Variants in PHLPP1 observed in about 807,000 individuals in gnomAD.
PHLPP1 encodes the protein PH domain and leucine rich repeat protein phosphatase 1, also known as PH domain leucine-rich repeat-containing protein phosphatase 1.
Under a neutral mutation model 117.2 loss-of-function variants are expected in PHLPP1, and 42 were observed. The ratio of observed to expected loss-of-function variants is 0.36; its 90% CI spans 0.28 to 0.46. PHLPP1 has a LOEUF of 0.46. PHLPP1 is among the 20% of genes least tolerant of loss of function. The pLI is 1.00. For missense variants in PHLPP1, 2,084 were observed against 2,241.9 expected (o/e 0.93, Z 1.42); for synonymous variants, 1,042 against 970.7 (o/e 1.07, Z -1.37).
chr18:62,803,559 A>G (rs371865383), intron 1 of PHLPP1, among the ~76,000 whole-genome samples: 4 of 152,354 alleles, frequency 2.6e-5, no homozygotes, highest in African/African-American at 9.6e-5. Context: ...TTTACATTGT[A>G]TAATTATACC....
intron 4 of PHLPP1, among the ~76,000 whole-genome samples, chr18:62,872,139 T>C (rs1915920403): frequency 6.6e-6 from 1 of 152,134 alleles, no homozygotes; most frequent in Non-Finnish European, 1.5e-5. Flanking sequence ...TACATGTGCA[T>C]AGGAACCCCC....
chr18:62,843,983 A>T (rs1243449075), intron 3 of PHLPP1, among the ~76,000 whole-genome samples: 1 of 152,204 alleles, frequency 6.6e-6, no homozygotes, highest in Non-Finnish European at 1.5e-5. Context: ...TTTCATGTGA[A>T]TCTGTAGCAT....
chr18:62,718,915 G>A (rs1047066696), intron 1 of PHLPP1, among the ~76,000 whole-genome samples: 2 of 152,180 alleles, frequency 1.3e-5, no homozygotes, highest in African/African-American at 4.8e-5. Flanking sequence ...GTTTGAATCT[G>A]TGTTTCCCTT....
At chr18:62,747,184 A>C (rs1911700898) in intron 1 of PHLPP1, among the ~76,000 whole-genome samples, 2 of 151,302 alleles carry the variant, frequency 1.3e-5, no homozygotes, top group Non-Finnish European at 2.9e-5. Flanking sequence ...TCTTATTTTT[A>C]ATTCCATCAA....
intron 1 of PHLPP1, among the ~76,000 whole-genome samples, chr18:62,728,484 C>T (rs1336173503): frequency 6.6e-6 from 1 of 151,318 alleles, no homozygotes; most frequent in Non-Finnish European, 1.5e-5. Flanking sequence ...CATTGTGAAG[C>T]ACATATGGCT....
chr18:62,721,243 C>T (rs1910906823), intron 1 of PHLPP1, among the ~76,000 whole-genome samples: 1 of 152,190 alleles, frequency 6.6e-6, no homozygotes, highest in African/African-American at 2.4e-5. Flanking sequence ...GGAAAGAGTA[C>T]TGAAGTGTTC....
At chr18:62,925,256 T>C (rs1312106388) in intron 10 of PHLPP1, among the ~76,000 whole-genome samples, 1 of 152,150 alleles carries the variant, frequency 6.6e-6, no homozygotes, top group African/African-American at 2.4e-5. Context: ...GCATGCACAT[T>C]TGATGGCCAG....
chr18:62,978,495 C>G lies in PHLPP1; in HGVS notation c.4218C>G (p.Ala1406=). 1.2e-6 allele frequency: 2 copies of G among 1,608,944 alleles called. No individual in the cohort carries two copies. The highest frequency in any genetic ancestry group is 2.2e-5 in the South Asian group (2 of 90,262). The change falls in exon 17 of 17, where the codon GCC becomes GCG. Residue 1406 remains alanine, a synonymous_variant. Transcript: ENST00000262719. This position sits in a 1 kb window ranked among gnomAD's most constrained non-coding sequence, Gnocchi z 7.0. The part of the protein sequence containing the change: ...LAAAKKLCTL[A]QSYGCHDSIS... ...CTGCCAAGAAGCTGTGTACCCTGGC[C>G]CAGAGCTACGGCTGCCACGACAGCA...
intron 4 of PHLPP1, among the ~76,000 whole-genome samples, chr18:62,874,109 G>A (rs1338711209): frequency 2.0e-5 from 3 of 151,100 alleles, no homozygotes; most frequent in African/African-American, 4.9e-5. Flanking sequence ...GCTTCAACCC[G>A]AGAGGTGGAG....
intron 11 of PHLPP1, among the ~76,000 whole-genome samples, chr18:62,944,758 T>C (rs989500952): frequency 8.5e-5 from 13 of 152,346 alleles, no homozygotes; most frequent in East Asian, 1.9e-4. Flanking sequence ...TTTTATTGTA[T>C]TAGTGCTGGC....
intron 4 of PHLPP1, among the ~76,000 whole-genome samples, chr18:62,874,700 C>T (rs879726469): frequency 5.3e-5 from 8 of 151,990 alleles, no homozygotes; most frequent in Non-Finnish European, 7.4e-5. Flanking sequence ...CACTCTCGCT[C>T]TCTGTCTCTC....
At chr18:62,946,719 T>C (rs907033455) in intron 12 of PHLPP1, among the ~76,000 whole-genome samples, 5 of 152,354 alleles carry the variant, frequency 3.3e-5, no homozygotes, top group African/African-American at 9.6e-5. Context: ...AAGAACACTG[T>C]CTCATACATC....
intron 1 of PHLPP1, among the ~76,000 whole-genome samples, chr18:62,771,193 G>A (rs1349565470): frequency 6.9e-6 from 1 of 144,192 alleles, no homozygotes. Flanking sequence ...CAGCCTGGGC[G>A]ACAGAGTGAG....
At chr18:62,887,823 A>C (rs1014920237) in intron 4 of PHLPP1, among the ~76,000 whole-genome samples, 20 of 152,040 alleles carry the variant, frequency 1.3e-4, no homozygotes, top group Non-Finnish European at 1.0e-4. Context: ...CTGCAGCCTA[A>C]ACCTTCTGGG....
rs1344709404 is a variant in PHLPP1, at chr18:62,972,527, G to C, written c.3574G>C (p.Ala1192Pro). The C allele has an allele frequency of 6.2e-7, 1 of 1,612,510 alleles. No homozygotes were observed. The highest frequency in any genetic ancestry group is 1.1e-5 in the South Asian group (1 of 90,996). ...SGVKNKLCVAALSVNNFCDNR... is the reference protein window; with the variant it reads ...SGVKNKLCVAPLSVNNFCDNR... The stretch of plus-strand genomic sequence containing the variant: ...GTTGCCTTGCAGGTTGTGTGTCGCA[G>C]CCCTGTCGGTGAATAACTTCTGTGA... The change falls in exon 15 of 17, where the codon GCC becomes CCC. Residue 1192 changes from alanine to proline, a missense_variant. By Grantham distance (27) the Ala-to-Pro change is conservative (BLOSUM62 -1). Coordinates refer to ENST00000262719, the MANE Select transcript of PHLPP1 (RefSeq NM_194449.4).
chr18:62,900,400 A>T (rs183439111), intron 6 of PHLPP1, among the ~76,000 whole-genome samples: 83 of 133,098 alleles, frequency 6.2e-4, no homozygotes, highest in African/African-American at 2.1e-3. Context: ...AATATGTTGT[A>T]GTTGTTTGTA....
chr18:62,866,249 GTT>G (rs570308646), intron 4 of PHLPP1, among the ~76,000 whole-genome samples: 6 of 141,056 alleles, frequency 4.3e-5, no homozygotes, highest in Admixed American at 1.4e-4. Flanking sequence ...TGTGTTTTTT[GTT>G]TTTTTTTTTT....
chr18:62,771,357 CAT>C (rs899445854), intron 1 of PHLPP1, among the ~76,000 whole-genome samples: 3 of 152,120 alleles, frequency 2.0e-5, no homozygotes, highest in East Asian at 1.9e-4. Flanking sequence ...CTTATTCACA[CAT>C]GAGTTCTTAA....
chr18:62,803,651 G>A (rs1913850668), intron 1 of PHLPP1, among the ~76,000 whole-genome samples: 1 of 152,114 alleles, frequency 6.6e-6, no homozygotes, highest in Non-Finnish European at 1.5e-5. Context: ...ATGCCGCCAT[G>A]AACATTCTTG....
Sources: gnomAD v4.1 joint callset for allele counts (sites outside exome capture counted in the v4.1 genomes callset) on GRCh38, gnomAD v4.1.1 for gene constraint, Gnocchi (gnomAD v3.1) non-coding constraint, MANE v1.5 for transcripts, NCBI Gene and HGNC (gene_info 2026-07-23, HGNC 2026-07-21) for gene names.